VPS13A: variants seen among roughly 807,000 people sequenced by gnomAD.
VPS13A encodes intermembrane lipid transfer protein VPS13A.
A neutral mutation model predicts 390.9 loss-of-function variants in VPS13A; 264 were observed. The ratio of observed to expected loss-of-function variants is 0.68; its 90% CI spans 0.61 to 0.75. The LOEUF is 0.75. Ranked by LOEUF, VPS13A falls within the 30% of genes least tolerant of loss-of-function variation. The probability of loss-of-function intolerance (pLI) is 0.00; values close to 1 mark genes in which losing one functional copy is unlikely to be tolerated. For missense variants in VPS13A, 3,409 were observed against 3,733.9 expected, an observed-to-expected ratio of 0.91 and a Z score of 2.27; for synonymous variants, 1,231 against 1,227.1, an observed-to-expected ratio of 1.00 and a Z score of -0.07.
chr9:77,416,855 A>G lies in VPS13A; in HGVS notation c.*849A>G, dbSNP rs908937558. 6 of 152,622 alleles carry G rather than the reference A, an allele frequency of 3.9e-5. No homozygotes were observed. Among genetic ancestry groups the G allele is most frequent in the African/African-American group, 1.4e-4 (6 of 41,458 alleles). The allele number at this position is 152,622 out of a possible 1,614,324, so 9.5% of individuals were successfully genotyped here. On this transcript the variant is annotated 3_prime_UTR_variant, in exon 72 of 72. Transcript: ENST00000360280. ...TCACTGTTAACATGGAATAAACACA[A>G]TTCCCAACATCTTAGATAGTGTATT...
chr9:77,342,754 C>T (rs540607338), intron 50 of VPS13A, among the ~76,000 whole-genome samples: 2 of 152,248 alleles, frequency 1.3e-5, no homozygotes, highest in Admixed American at 6.5e-5. Flanking sequence ...ATGTGAAACA[C>T]TTCTGGTACC....
intron 1 of VPS13A, among the ~76,000 whole-genome samples, chr9:77,182,329 A>G (rs1361367467): frequency 6.6e-6 from 1 of 152,082 alleles, no homozygotes; most frequent in Non-Finnish European, 1.5e-5. Context: ...CCTGACCTCA[A>G]GTGATCCACC....
intron 19 of VPS13A, among the ~76,000 whole-genome samples, chr9:77,242,996 A>G (rs1482003611): frequency 1.3e-5 from 2 of 152,044 alleles, no homozygotes; most frequent in Non-Finnish European, 2.9e-5. Context: ...AGGTTTTTGC[A>G]CTTAATTTTT....
chr9:77,395,245 C>G (rs1454895216), intron 68 of VPS13A, among the ~76,000 whole-genome samples: 1 of 152,092 alleles, frequency 6.6e-6, no homozygotes, highest in Non-Finnish European at 1.5e-5. Context: ...CATTGTAGGG[C>G]TGTTAATTGG....
At chr9:77,246,564 A>C (rs575251186) in intron 19 of VPS13A, among the ~76,000 whole-genome samples, 82 of 152,178 alleles carry the variant, frequency 5.4e-4, no homozygotes, top group South Asian at 4.8e-3. Context: ...ACTCTAACTG[A>C]TTTGATGGCT....
intron 39 of VPS13A, 22 bp downstream of exon 39, chr9:77,316,428 C>CA (rs770192546): frequency 5.6e-6 from 9 of 1,594,210 alleles, no homozygotes; most frequent in Non-Finnish European, 7.7e-6. Flanking sequence ...ATTTGATCAT[C>CA]TGCTTAATTG....
intron 35 of VPS13A, among the ~76,000 whole-genome samples, chr9:77,308,327 G>C (rs1301302788): frequency 6.6e-6 from 1 of 151,842 alleles, no homozygotes; most frequent in African/African-American, 2.4e-5. Context: ...GTTATTAGTC[G>C]TTGTGTTGAT....
At chr9:77,401,630 G>A (rs537217355) in intron 68 of VPS13A, among the ~76,000 whole-genome samples, 155 of 152,132 alleles carry the variant, frequency 1.0e-3, no homozygotes, top group African/African-American at 3.7e-3. Flanking sequence ...TTTTCCAGAT[G>A]TACTGTCATC....
rs777376932 is a variant in VPS13A at position 77,351,307 on chromosome 9, A to G, written c.7290-10A>G. 4.3e-5 allele frequency: 69 copies of G among 1,612,574 alleles called. No homozygotes were observed. The East Asian group carries it at 8.0e-4, about 19-fold the overall frequency. On this transcript the variant is annotated splice_polypyrimidine_tract_variant and intron_variant, in intron 52 of 71. Coordinates refer to ENST00000360280, the MANE Select transcript of VPS13A (RefSeq NM_033305.3). ...ATTTAATTTAACGCGTATTTTTGCT[A>G]CTGTGTCAGTTCTCTCAGTGAAATA...
In VPS13A at chr9:77,188,647, T is replaced by C. The variant is rs1290614808; in HGVS notation, c.100+10843T>C. On this transcript the variant is annotated intron_variant, in intron 1 of 71. Coordinates refer to ENST00000360280, the MANE Select transcript of VPS13A (RefSeq NM_033305.3). ...GGTATATACCCAGTAATGGGATTGC[T>C]GGTTCTAATGGTAGTTCTTAATTCT... 2.6e-5 allele frequency among the ~76,000 whole-genome samples: 4 copies of C among 152,214 alleles called. No homozygotes were observed. The East Asian group carries it at 7.7e-4, about 29-fold the overall frequency.
chr9:77,390,255 A>G, intron 68 of VPS13A: 2 of 325,626 alleles, frequency 6.1e-6, no homozygotes, highest in Non-Finnish European at 8.8e-6. Context: ...AAGAGAGCCA[A>G]ATTGTGTTAT....
intron 43 of VPS13A, 70 bp downstream of exon 43, chr9:77,321,397 G>C: frequency 1.3e-6 from 2 of 1,582,710 alleles, no homozygotes; most frequent in Non-Finnish European, 1.7e-6. Context: ...TGAATAAGAA[G>C]TTTAATAACT....
chr9:77,271,624 G>GA (rs1564682871), intron 23 of VPS13A, among the ~76,000 whole-genome samples: 3 of 151,814 alleles, frequency 2.0e-5, no homozygotes, highest in African/African-American at 4.8e-5. Context: ...TACTACTCAG[G>GA]AAAAAAAATA....
intron 27 of VPS13A, 68 bp from the exon 28 acceptor site, chr9:77,281,799 A>G: frequency 2.1e-6 from 2 of 935,726 alleles, no homozygotes. Context: ...GTGTATTAGG[A>G]CTATAATGTG....
chr9:77,382,398 A>C, intron 68 of VPS13A: 1 of 1,457,380 alleles, frequency 6.9e-7, no homozygotes, highest in South Asian at 1.5e-5. Flanking sequence ...GAATACAAAG[A>C]AAACCTTTTG....
intron 20 of VPS13A, 61 bp downstream of exon 20, chr9:77,247,456 G>A (rs1446144926): frequency 6.7e-6 from 10 of 1,497,986 alleles, no homozygotes; most frequent in Non-Finnish European, 9.0e-6. Flanking sequence ...TGTTTTAAAT[G>A]TATTTTGTTT....
intron 68 of VPS13A, among the ~76,000 whole-genome samples, chr9:77,394,330 G>C (rs898024418): frequency 6.6e-6 from 1 of 151,924 alleles, no homozygotes; most frequent in Non-Finnish European, 1.5e-5. Flanking sequence ...GCCTCCCAAA[G>C]TGCTGGAATT....
At chr9:77,211,950 C>A (rs1435260049) in intron 7 of VPS13A, among the ~76,000 whole-genome samples, 1 of 152,108 alleles carries the variant, frequency 6.6e-6, no homozygotes, top group Non-Finnish European at 1.5e-5. Flanking sequence ...TCCTAGCGAA[C>A]CTTATTGTGA....
At chr9:77,415,606 C>T (rs942765470) in intron 71 of VPS13A, among the ~76,000 whole-genome samples, 4 of 152,094 alleles carry the variant, frequency 2.6e-5, no homozygotes, top group Non-Finnish European at 5.9e-5. Flanking sequence ...TATTTCTACT[C>T]CATTAGTAGA....
Sources: allele counts gnomAD v4.1 joint callset (sites outside exome capture counted in the v4.1 genomes callset), GRCh38; gene constraint gnomAD v4.1.1; transcripts MANE v1.5; gene names NCBI Gene and HGNC (gene_info 2026-07-23, HGNC 2026-07-21).